PRKN: variants seen among roughly 807,000 people sequenced by gnomAD.
PRKN encodes parkin RBR E3 ubiquitin protein ligase, also known as E3 ubiquitin-protein ligase parkin.
In PRKN, 56 loss-of-function variants were observed where a neutral mutation model predicts 59.5. The observed-to-expected ratio is 0.94, with a 90% confidence interval of 0.76 to 1.18. PRKN has a LOEUF of 1.18. Among genes scored for constraint, PRKN ranks in the 50% most tolerant of loss-of-function variants. The probability of loss-of-function intolerance (pLI) is 0.00; values close to 1 mark genes in which losing one functional copy is unlikely to be tolerated. For synonymous variants in PRKN, 250 were observed against 222.1 expected (o/e 1.13, Z -1.12); for missense variants, 657 against 596.4 (o/e 1.10, Z -1.06).
intron 6 of PRKN, among the ~76,000 whole-genome samples, chr6:161,867,134 T>C (rs1794142879): frequency 6.6e-6 from 1 of 152,194 alleles, no homozygotes. Flanking sequence ...TTGGATCTGT[T>C]CTATATTGCG....
rs113817904 is a variant in PRKN at position 162,481,732 on chromosome 6, C to T, written c.8-38259G>A. Among the ~76,000 whole-genome samples the T allele has an allele frequency of 4.9e-3, 750 of 151,858 alleles. 4 individuals carry two copies. Among genetic ancestry groups the T allele is most frequent in the Non-Finnish European group, 8.6e-3 (585 of 67,940 alleles). On this transcript the variant is annotated intron_variant, in intron 1 of 11. Transcript: ENST00000366898. ...ACTAAAATATTTTTTTTTCAAATGA[C>T]GGCTGATGACAGAGCACTACCTTAA...
chr6:162,496,753 CATA>C (rs746833693), intron 1 of PRKN, among the ~76,000 whole-genome samples: 1 of 152,260 alleles, frequency 6.6e-6, no homozygotes, highest in African/African-American at 2.4e-5. Context: ...TTAAATTAGA[CATA>C]ATAAGTGCCT....
intron 4 of PRKN, among the ~76,000 whole-genome samples, chr6:162,125,290 C>T (rs142276520): frequency 1.3e-5 from 2 of 152,302 alleles, no homozygotes; most frequent in African/African-American, 4.8e-5. Flanking sequence ...CCACGGGCGG[C>T]ACCACACCTC....
intron 1 of PRKN, among the ~76,000 whole-genome samples, chr6:162,643,215 T>C (rs1778030215): frequency 6.6e-6 from 1 of 151,792 alleles, no homozygotes; most frequent in Non-Finnish European, 1.5e-5. Flanking sequence ...CTGGGCAACA[T>C]GGTGAAACCC....
rs111984061 is a variant in PRKN at position 161,419,917 on chromosome 6, C to T, written c.1084-33040G>A. ...GTGTTTAAGAAAGTTCCTAGCACTG[C>T]GCCTGGCACGTAAAAGGCACTTGTT... is the stretch of plus-strand genomic sequence containing the variant. On this transcript the variant is annotated intron_variant, in intron 9 of 11. Coordinates refer to ENST00000366898, the MANE Select transcript of PRKN (RefSeq NM_004562.3). The surrounding 1 kb of genome is among the most constrained non-coding windows in gnomAD (Gnocchi z 4.1). 0.029 allele frequency among the ~76,000 whole-genome samples: 4,412 copies of T among 152,060 alleles called. 215 individuals carry two copies. The highest frequency in any genetic ancestry group is 0.1 in the African/African-American group (4,149 of 41,452).
At chr6:161,859,436 C>T (rs1305585278) in intron 6 of PRKN, among the ~76,000 whole-genome samples, 3 of 151,732 alleles carry the variant, frequency 2.0e-5, no homozygotes, top group East Asian at 3.9e-4. Context: ...AACTCCATCT[C>T]TACTAAAAAT....
intron 1 of PRKN, among the ~76,000 whole-genome samples, chr6:162,584,327 A>G (rs1188674536): frequency 6.6e-6 from 1 of 152,218 alleles, no homozygotes; most frequent in Middle Eastern, 3.2e-3. Flanking sequence ...ATTATCTGAT[A>G]TACCTTTAAA....
intron 9 of PRKN, among the ~76,000 whole-genome samples, chr6:161,426,676 C>CACACACACACACACACACACAT (rs11271613): frequency 0.059 from 8,369 of 142,662 alleles, 461 homozygotes; most frequent in Non-Finnish European, 0.086. Flanking sequence ...CACACACACA[C>CACACACACACACACACACACAT]CTCCTATTAG....
chr6:161,960,261 A>G (rs1477680030), intron 6 of PRKN, among the ~76,000 whole-genome samples: 1 of 152,218 alleles, frequency 6.6e-6, no homozygotes, highest in East Asian at 1.9e-4. Flanking sequence ...GAGGCAAAAG[A>G]TGGCAGAGCC....
chr6:162,589,119 C>T (rs1781195250), intron 1 of PRKN, among the ~76,000 whole-genome samples: 2 of 152,182 alleles, frequency 1.3e-5, no homozygotes, highest in South Asian at 2.1e-4. Flanking sequence ...TTCTGACAAA[C>T]TGTATGACTG....
chr6:161,557,128 T>A (rs1780266694), intron 8 of PRKN, among the ~76,000 whole-genome samples: 1 of 152,220 alleles, frequency 6.6e-6, no homozygotes, highest in Non-Finnish European at 1.5e-5. Context: ...TTTATCAGAT[T>A]ATAGCAAAAA....
intron 6 of PRKN, among the ~76,000 whole-genome samples, chr6:161,965,014 G>A (rs140442498): frequency 2.6e-5 from 4 of 152,146 alleles, no homozygotes; most frequent in Non-Finnish European, 5.9e-5. Flanking sequence ...AAAGGGAATT[G>A]TAACTAAGAT....
chr6:162,663,383 G>A (rs1778968992), intron 1 of PRKN, among the ~76,000 whole-genome samples: 1 of 150,800 alleles, frequency 6.6e-6, no homozygotes. Flanking sequence ...GAGATTTTGT[G>A]CTACCCAGGA....
chr6:161,735,512 T>A (rs1021916773), intron 7 of PRKN, among the ~76,000 whole-genome samples: 1 of 152,178 alleles, frequency 6.6e-6, no homozygotes, highest in Non-Finnish European at 1.5e-5. Context: ...GAATCAACTA[T>A]TAGTTGTTAA....
chr6:161,529,197 C>T lies in PRKN; in HGVS notation c.1083+19657G>A, dbSNP rs1052173002. ...TTAGGGTATTGAAAGGCAAGAGTCTCATCTTCGAATATCTGATTTGATGAG... is the reference window on the plus strand; with the variant it reads ...TTAGGGTATTGAAAGGCAAGAGTCTTATCTTCGAATATCTGATTTGATGAG... On this transcript the variant is annotated intron_variant, in intron 9 of 11. Transcript: ENST00000366898. This position sits in a 1 kb window ranked among gnomAD's most constrained non-coding sequence, Gnocchi z 4.4. 1.3e-5 allele frequency among the ~76,000 whole-genome samples: 2 copies of T among 152,162 alleles called. No individual in the cohort carries two copies. Among genetic ancestry groups the T allele is most frequent in the African/African-American group, 4.8e-5 (2 of 41,450 alleles).
chr6:161,924,793 A>C (rs945430500), intron 6 of PRKN, among the ~76,000 whole-genome samples: 4 of 152,230 alleles, frequency 2.6e-5, no homozygotes, highest in African/African-American at 9.7e-5. Context: ...CCATCTCCAC[A>C]GCATTAAATT....
chr6:161,588,130 A>C lies in PRKN; in HGVS notation c.872-18714T>G, dbSNP rs1286736942. Among the ~76,000 whole-genome samples, 1 of 152,174 alleles carries C rather than the reference A, an allele frequency of 6.6e-6. No individual in the cohort carries two copies. Among genetic ancestry groups the C allele is most frequent in the Non-Finnish European group, 1.5e-5 (1 of 68,026 alleles). ...GCTGGGCGCGGTGGCTCATGCCTGT[A>C]ATCCCAGCACTTTGGGAGGCCGAGT... On this transcript the variant is annotated intron_variant, in intron 7 of 11. Transcript: ENST00000366898. This position sits in a 1 kb window ranked among gnomAD's most constrained non-coding sequence, Gnocchi z 5.0.
intron 7 of PRKN, among the ~76,000 whole-genome samples, chr6:161,642,367 A>G (rs1239517458): frequency 1.3e-5 from 2 of 152,160 alleles, no homozygotes; most frequent in Non-Finnish European, 2.9e-5. Flanking sequence ...TGCCTTGCTT[A>G]TTGCATTTCT....
intron 4 of PRKN, among the ~76,000 whole-genome samples, chr6:162,098,887 G>A (rs974614358): frequency 6.6e-6 from 1 of 152,118 alleles, no homozygotes; most frequent in Non-Finnish European, 1.5e-5. Flanking sequence ...AAGTGAAGAG[G>A]GGTGGATGGA....
Sources: allele counts gnomAD v4.1 joint callset (sites outside exome capture counted in the v4.1 genomes callset), GRCh38; gene constraint gnomAD v4.1.1; non-coding constraint Gnocchi (gnomAD v3.1); transcripts MANE v1.5; gene names NCBI Gene and HGNC (gene_info 2026-07-23, HGNC 2026-07-21).